The following WDHD1 variants were observed in gnomAD, a reference collection of about 807,000 sequenced individuals.
The protein encoded by WDHD1 is WD repeat and HMG-box DNA-binding protein 1.
In WDHD1, 111 loss-of-function variants were observed where a neutral mutation model predicts 135.4. That is an observed-to-expected ratio of 0.82 (90% CI 0.70 to 0.96). The LOEUF (loss-of-function observed/expected upper bound fraction) is 0.96, where lower values mean the gene tolerates loss of function less well. WDHD1 is among the 40% of genes least tolerant of loss of function. The probability of loss-of-function intolerance (pLI) is 0.00; values close to 1 mark genes in which losing one functional copy is unlikely to be tolerated. For synonymous variants in WDHD1, 434 were observed against 439.0 expected, an observed-to-expected ratio of 0.99 and a Z score of 0.14; for missense variants, 1,351 against 1,336.3, an observed-to-expected ratio of 1.01 and a Z score of -0.17.
rs953927407 is a variant in WDHD1 at position 54,940,942 on chromosome 14, G to C, written c.*548C>G. 1 of 152,076 alleles carries C rather than the reference G, an allele frequency of 6.6e-6. No individual in the cohort carries two copies. The highest frequency in any genetic ancestry group is 1.5e-5 in the Non-Finnish European group (1 of 68,030). 9.4% of individuals were successfully genotyped at this position (152,076 alleles called of 1,614,324 possible). ...CAAAAAAATCCAGGCTATACAAACAGACAACTGAAAGCCACATAGGAAATT... is the reference window on the plus strand; with the variant it reads ...CAAAAAAATCCAGGCTATACAAACACACAACTGAAAGCCACATAGGAAATT... On this transcript the variant is annotated 3_prime_UTR_variant, in exon 26 of 26. Coordinates refer to ENST00000360586, the MANE Select transcript of WDHD1 (RefSeq NM_007086.4).
At chr14:54,952,428 C>T (rs1375433163) in intron 24 of WDHD1, among the ~76,000 whole-genome samples, 2 of 152,190 alleles carry the variant, frequency 1.3e-5, no homozygotes, top group Non-Finnish European at 2.9e-5. Flanking sequence ...AGGAATCCAA[C>T]TTACAAGGGA....
chr14:54,966,474 C>A lies in WDHD1; in HGVS notation c.2310+1G>T. On this transcript the variant is annotated splice_donor_variant, in intron 18 of 25. Transcript: ENST00000360586. LOFTEE classifies it high-confidence loss of function. ...GTTTTCAGTATATTTATTTTACTCA[C>A]CGCAAGCATTTTCATTAAAAGTTCC... is the stretch of plus-strand genomic sequence containing the variant. 1.9e-6 allele frequency: 3 copies of A among 1,596,568 alleles called. No individual in the cohort carries two copies. Among genetic ancestry groups the A allele is most frequent in the Non-Finnish European group, 2.6e-6 (3 of 1,176,266 alleles).
intron 16 of WDHD1, among the ~76,000 whole-genome samples, chr14:54,975,872 T>G (rs756660554): frequency 8.5e-5 from 13 of 152,170 alleles, no homozygotes; most frequent in Non-Finnish European, 1.6e-4. Flanking sequence ...AAATGTACTT[T>G]CTTTTAAAGG....
At position 54,995,723 on chromosome 14, in the gene WDHD1, C is replaced by A; in HGVS notation, c.1033G>T (p.Glu345Ter). The A allele has an allele frequency of 6.2e-7, 1 of 1,613,554 alleles. No individual in the cohort carries two copies. The highest frequency in any genetic ancestry group is 1.1e-5 in the South Asian group (1 of 90,990). Residue 345 changes from glutamate (E) to a stop codon, truncating the protein, a stop_gained, in exon 11 of 26, where the codon GAG becomes TAG. Coordinates refer to ENST00000360586, the MANE Select transcript of WDHD1 (RefSeq NM_007086.4). LOFTEE classifies it high-confidence loss of function. ...AGDFLNDNAV[E>*]IPSFSKGIIN... ...ATCCCTTTTGAAAAAGAAGGGATCT[C>A]AACTGCATTGTCATTTAGAAAATCA...
chr14:54,993,115 G>T (rs377085608), intron 11 of WDHD1, among the ~76,000 whole-genome samples: 46 of 151,960 alleles, frequency 3.0e-4, no homozygotes, highest in African/African-American at 7.0e-4. Flanking sequence ...TGAATTTTTT[G>T]ATTTTATTTT....
At chr14:54,982,094 C>T (rs2041628069) in intron 15 of WDHD1, among the ~76,000 whole-genome samples, 1 of 151,926 alleles carries the variant, frequency 6.6e-6, no homozygotes, top group African/African-American at 2.4e-5. Context: ...GCAAGCTCCG[C>T]CTTCCAGGTT....
intron 2 of WDHD1, among the ~76,000 whole-genome samples, chr14:55,026,241 TA>T (rs1238347685): frequency 2.0e-5 from 3 of 151,690 alleles, no homozygotes; most frequent in African/African-American, 7.3e-5. Flanking sequence ...CTTGGAAAGA[TA>T]AAAGGGACCA....
In WDHD1 at chr14:54,981,691, G is replaced by C. The variant is rs61741224; in HGVS notation, c.1912C>G (p.Pro638Ala). The C allele has an allele frequency of 0.088, 141,680 of 1,602,984 alleles. 7,719 individuals carry two copies. The highest frequency in any genetic ancestry group is 0.1 in the Non-Finnish European group (121,226 of 1,171,140). Residue 638 changes from proline (P) to alanine (A), a missense_variant, in exon 16 of 26, where the codon CCT (proline) becomes GCT (alanine). Physicochemically the swap from Pro to Ala is conservative, Grantham distance 27. Around this residue, in one of 2 missense-constraint regions of WDHD1, gnomAD observed 1,330 missense variants for 1,296.1 expected, o/e 1.03. Coordinates refer to ENST00000360586, the MANE Select transcript of WDHD1 (RefSeq NM_007086.4). ...ATTCCTTCTGAATCCACGTAACAAGGGGTACCTAAACACCAACAGAAAAAT... is the reference window on the plus strand; with the variant it reads ...ATTCCTTCTGAATCCACGTAACAAGCGGTACCTAAACACCAACAGAAAAAT... Reference protein sequence around the residue: ...AWIGFSAEGTPCYVDSEGIVR... With the variant: ...AWIGFSAEGTACYVDSEGIVR...
chr14:55,023,695 C>A (rs983698291), intron 2 of WDHD1, among the ~76,000 whole-genome samples: 8 of 152,126 alleles, frequency 5.3e-5, no homozygotes, highest in African/African-American at 1.9e-4. Flanking sequence ...TGCTCATGAG[C>A]ATCATACAGT....
chr14:54,966,161 T>C (rs1247514952), intron 18 of WDHD1, among the ~76,000 whole-genome samples: 1 of 32,600 alleles, frequency 3.1e-5, no homozygotes, highest in Non-Finnish European at 6.9e-5. Flanking sequence ...ACCCCATCTC[T>C]ACTAAAAAAA....
chr14:54,953,545 A>G (rs2041098849), intron 24 of WDHD1, among the ~76,000 whole-genome samples: 1 of 152,226 alleles, frequency 6.6e-6, no homozygotes, highest in Non-Finnish European at 1.5e-5. Flanking sequence ...TAGTTCAACC[A>G]TTGTGGAAGG....
chr14:55,014,200 C>T (rs956099289), intron 2 of WDHD1, among the ~76,000 whole-genome samples: 3 of 152,202 alleles, frequency 2.0e-5, no homozygotes, highest in African/African-American at 7.2e-5. Flanking sequence ...CTCAAGTGAT[C>T]AAACCACTTC....
At chr14:55,020,828 T>G (rs2042333700) in intron 2 of WDHD1, among the ~76,000 whole-genome samples, 1 of 152,178 alleles carries the variant, frequency 6.6e-6, no homozygotes, top group Non-Finnish European at 1.5e-5. Context: ...TAACACATAT[T>G]TTGTCTATGT....
intron 2 of WDHD1, among the ~76,000 whole-genome samples, chr14:55,022,761 G>A (rs2042370865): frequency 1.3e-5 from 2 of 151,720 alleles, no homozygotes; most frequent in South Asian, 4.2e-4. Context: ...AATGGTGTCT[G>A]GGAATCTGCT....
rs758845102 is a variant in WDHD1, at chr14:54,987,178, T to C, written c.1736A>G (p.His579Arg). 1.9e-6 allele frequency: 3 copies of C among 1,614,080 alleles called. No individual in the cohort carries two copies. Among genetic ancestry groups the C allele is most frequent in the Non-Finnish European group, 2.5e-6 (3 of 1,180,024 alleles). ...LAGPVVSMAG[H>R]GEQLFIVYHR... ...ATAAACAATGAAAAGCTGTTCTCCATGTCCTGCCATTGACACCACAGGTCC... is the reference window on the plus strand; with the variant it reads ...ATAAACAATGAAAAGCTGTTCTCCACGTCCTGCCATTGACACCACAGGTCC... Residue 579 changes from histidine to arginine, a missense_variant, in exon 14 of 26, where the codon CAT becomes CGT. By Grantham distance (29) the His-to-Arg change is conservative (BLOSUM62 0). This residue lies in a region of WDHD1 where 1,330 missense variants were observed against 1,296.1 expected (regional missense o/e 1.03). Coordinates refer to ENST00000360586, the MANE Select transcript of WDHD1 (RefSeq NM_007086.4).
intron 2 of WDHD1, among the ~76,000 whole-genome samples, chr14:55,019,847 C>T (rs779706276): frequency 2.7e-4 from 41 of 152,242 alleles, no homozygotes; most frequent in African/African-American, 7.5e-4. Flanking sequence ...CCAGCCTGGG[C>T]GACAGAGCTA....
chr14:54,986,779 G>T (rs2041701295), intron 14 of WDHD1, among the ~76,000 whole-genome samples: 1 of 151,962 alleles, frequency 6.6e-6, no homozygotes, highest in Non-Finnish European at 1.5e-5. Flanking sequence ...ATGAGGGGAG[G>T]AAAAAGGAGG....
chr14:54,992,335 C>T (rs1255910861), intron 11 of WDHD1, among the ~76,000 whole-genome samples: 1 of 151,938 alleles, frequency 6.6e-6, no homozygotes, highest in Non-Finnish European at 1.5e-5. Context: ...TACTAAAATA[C>T]AAAAATTAGC....
chr14:54,999,526 T>C (rs938997969), intron 10 of WDHD1, among the ~76,000 whole-genome samples: 5 of 152,192 alleles, frequency 3.3e-5, no homozygotes, highest in African/African-American at 1.2e-4. Context: ...TTCCAGAAAC[T>C]ACAGTTTTAG....
Sources: allele counts gnomAD v4.1 joint callset (sites outside exome capture counted in the v4.1 genomes callset), GRCh38; gene constraint gnomAD v4.1.1; regional missense constraint gnomAD v4.1.1; transcripts MANE v1.5; gene names NCBI Gene and HGNC (gene_info 2026-07-23, HGNC 2026-07-21).